The following ADGRB3 variants were observed in gnomAD, a reference collection of about 807,000 sequenced individuals.
The protein encoded by ADGRB3 is adhesion G protein-coupled receptor B3.
ADGRB3 carries 37 observed loss-of-function variants against 193.4 expected under a neutral mutation model. The observed-to-expected ratio is 0.19, with a 90% CI of 0.15 to 0.25. The LOEUF is 0.25. Ranked by LOEUF, ADGRB3 falls within the 10% of genes least tolerant of loss-of-function variation. The pLI is 1.00. For missense variants in ADGRB3, 1,637 were observed against 1,852.9 expected, an observed-to-expected ratio of 0.88 and a Z score of 2.14; for synonymous variants, 690 against 644.2, an observed-to-expected ratio of 1.07 and a Z score of -1.08.
At chr6:69,152,004 T>C (rs945729075) in intron 17 of ADGRB3, among the ~76,000 whole-genome samples, 3 of 152,180 alleles carry the variant, frequency 2.0e-5, no homozygotes, top group African/African-American at 7.2e-5. Flanking sequence ...AAGAAGGCCA[T>C]ATTTGCTTCC....
At chr6:69,354,793 T>G (rs1379885142) in intron 27 of ADGRB3, among the ~76,000 whole-genome samples, 1 of 152,176 alleles carries the variant, frequency 6.6e-6, no homozygotes, top group Admixed American at 6.5e-5. Flanking sequence ...CAGCCTAAGA[T>G]GAGAACCACT....
At chr6:69,011,161 G>GTT (rs1205480122) in intron 11 of ADGRB3, among the ~76,000 whole-genome samples, 3 of 149,202 alleles carry the variant, frequency 2.0e-5, no homozygotes, top group African/African-American at 7.5e-5. Context: ...GTGTGTGTGT[G>GTT]TGTGTGTATA....
intron 17 of ADGRB3, among the ~76,000 whole-genome samples, chr6:69,212,264 A>G (rs1765683532): frequency 2.0e-5 from 3 of 152,138 alleles, no homozygotes. Context: ...GCTTTCCTGA[A>G]TTTGTGAATA....
At chr6:69,104,001 T>C (rs955160455) in intron 17 of ADGRB3, among the ~76,000 whole-genome samples, 26 of 152,128 alleles carry the variant, frequency 1.7e-4, no homozygotes, top group Non-Finnish European at 3.4e-4. Context: ...GGAATTTTTG[T>C]TTGTATCGTA....
At chr6:68,865,274 G>A (rs964561700) in intron 3 of ADGRB3, among the ~76,000 whole-genome samples, 20 of 151,934 alleles carry the variant, frequency 1.3e-4, no homozygotes, top group Admixed American at 1.3e-3. Context: ...ATAATGAAAA[G>A]TCCAGTTCTG....
At chr6:69,361,985 C>A (rs933415801) in intron 29 of ADGRB3, among the ~76,000 whole-genome samples, 2 of 151,818 alleles carry the variant, frequency 1.3e-5, no homozygotes, top group East Asian at 3.9e-4. Flanking sequence ...TGGAATATTT[C>A]TCTAAATGTT....
intron 17 of ADGRB3, among the ~76,000 whole-genome samples, chr6:69,177,905 A>G (rs1775471585): frequency 6.6e-6 from 1 of 152,174 alleles, no homozygotes; most frequent in African/African-American, 2.4e-5. Flanking sequence ...AGGAAAATGT[A>G]TATTCTCTGG....
chr6:68,790,838 A>G (rs1233486449), intron 3 of ADGRB3, among the ~76,000 whole-genome samples: 1 of 152,178 alleles, frequency 6.6e-6, no homozygotes, highest in Admixed American at 6.5e-5. Context: ...AAGATGGGAA[A>G]AAAACAGAGC....
intron 3 of ADGRB3, among the ~76,000 whole-genome samples, chr6:68,872,245 T>C (rs1339987765): frequency 6.6e-6 from 1 of 152,130 alleles, no homozygotes; most frequent in African/African-American, 2.4e-5. Context: ...TGAAGACAAG[T>C]CTTTGCCAGC....
At position 69,341,739 on chromosome 6, in the gene ADGRB3, T is replaced by A. The variant is rs9360382; in HGVS notation, c.3459+2235T>A. Among the ~76,000 whole-genome samples, 30 of 152,274 alleles carry A rather than the reference T, an allele frequency of 2.0e-4. No individual in the cohort carries two copies. In the East Asian group the frequency reaches 3.3e-3, roughly 17 times the overall value. On this transcript the variant is annotated intron_variant, in intron 26 of 31. Transcript: ENST00000370598. ...GGGTCTTCTATATTAATATTATTGCTAATAATTAAGTAACAAGATTGTTCT... is the reference window on the plus strand; with the variant it reads ...GGGTCTTCTATATTAATATTATTGCAAATAATTAAGTAACAAGATTGTTCT...
intron 3 of ADGRB3, among the ~76,000 whole-genome samples, chr6:68,647,010 G>A (rs1003182533): frequency 2.6e-5 from 4 of 152,166 alleles, no homozygotes; most frequent in African/African-American, 7.2e-5. Context: ...AAGGATTTCC[G>A]TATTTCATGT....
intron 16 of ADGRB3, among the ~76,000 whole-genome samples, chr6:69,075,162 A>G (rs536921085): frequency 2.0e-5 from 3 of 152,320 alleles, no homozygotes; most frequent in Admixed American, 2.0e-4. Context: ...ACACAAGTGA[A>G]TGATTTCCCT....
At chr6:68,798,492 A>T (rs1490921083) in intron 3 of ADGRB3, among the ~76,000 whole-genome samples, 2 of 138,774 alleles carry the variant, frequency 1.4e-5, no homozygotes, top group East Asian at 4.7e-4. Context: ...ATGAGAACAC[A>T]TGGACACAGG....
rs376080082 is a variant in ADGRB3 at position 68,884,451 on chromosome 6, T to A, written c.758-46108T>A. Among the ~76,000 whole-genome samples, 180 of 152,234 alleles carry A rather than the reference T, an allele frequency of 1.2e-3. 1 individual carries two copies. The South Asian group carries it at 0.017, about 14-fold the overall frequency. On this transcript the variant is annotated intron_variant, in intron 3 of 31. Coordinates refer to ENST00000370598, the MANE Select transcript of ADGRB3 (RefSeq NM_001704.3). ...AACATGTCTCTCAGAGAGTAAGAGCTTTAGGCTGAAACCCGGGGAGTGAGA... is the reference window on the plus strand; with the variant it reads ...AACATGTCTCTCAGAGAGTAAGAGCATTAGGCTGAAACCCGGGGAGTGAGA...
At chr6:69,018,888 C>G (rs566452656) in intron 13 of ADGRB3, among the ~76,000 whole-genome samples, 4 of 152,042 alleles carry the variant, frequency 2.6e-5, no homozygotes, top group South Asian at 4.1e-4. Flanking sequence ...TTATGATCTT[C>G]CGTACATTGT....
chr6:68,826,268 C>T (rs1433930828), intron 3 of ADGRB3, among the ~76,000 whole-genome samples: 2 of 151,964 alleles, frequency 1.3e-5, no homozygotes, highest in Non-Finnish European at 2.9e-5. Context: ...TAGAGAGTGT[C>T]GGTATGGGCA....
At chr6:69,210,926 T>C (rs1340988089) in intron 17 of ADGRB3, among the ~76,000 whole-genome samples, 1 of 150,790 alleles carries the variant, frequency 6.6e-6, no homozygotes, top group East Asian at 2.0e-4. Flanking sequence ...CAATCCTGGC[T>C]AACACGGTGA....
rs1766998780 is a variant in ADGRB3 at position 68,787,413 on chromosome 6, A to G, written c.758-143146A>G. The stretch of plus-strand genomic sequence containing the variant: ...CTTTTCTGCATCTATTGAGATAATC[A>G]TGTGTTTTTTGTCTTTAGTTCTGTT... On this transcript the variant is annotated intron_variant, in intron 3 of 31. Coordinates refer to ENST00000370598, the MANE Select transcript of ADGRB3 (RefSeq NM_001704.3). Among the ~76,000 whole-genome samples the G allele has an allele frequency of 2.0e-5, 3 of 151,936 alleles. No individual in the cohort carries two copies. In the South Asian group the frequency reaches 6.3e-4, roughly 32 times the overall value.
chr6:68,719,029 T>C (rs1288513835), intron 3 of ADGRB3, among the ~76,000 whole-genome samples: 1 of 151,842 alleles, frequency 6.6e-6, no homozygotes, highest in Non-Finnish European at 1.5e-5. Context: ...TATTGTGTCC[T>C]AATTATGTAC....
Sources: allele counts gnomAD v4.1 joint callset (sites outside exome capture counted in the v4.1 genomes callset), GRCh38; gene constraint gnomAD v4.1.1; transcripts MANE v1.5; gene names NCBI Gene and HGNC (gene_info 2026-07-23, HGNC 2026-07-21).